MSRA: variants seen among roughly 807,000 people sequenced by gnomAD.
MSRA encodes the protein methionine sulfoxide reductase A, also known as mitochondrial peptide methionine sulfoxide reductase.
In MSRA, 54 loss-of-function variants were observed where a neutral mutation model predicts 31.3. The observed-to-expected ratio is 1.73, with a 90% confidence interval of 1.39 to 2.17. The LOEUF (loss-of-function observed/expected upper bound fraction) is 2.17, where lower values mean the gene tolerates loss of function less well. Ranked by LOEUF, MSRA falls within the 30% of genes most tolerant of loss-of-function variation. MSRA has a pLI of 0.00. For missense variants in MSRA, 507 were observed against 300.9 expected, an observed-to-expected ratio of 1.69 and a Z score of -5.07; for synonymous variants, 169 against 116.5, an observed-to-expected ratio of 1.45 and a Z score of -2.90.
At position 10,306,499 on chromosome 8, in the gene MSRA, G is replaced by A. The variant is rs145911323; in HGVS notation, c.436+4861G>A. ...CTAAAGTGTGGGTTTTCTACCCACC[G>A]AGATTCTTGTGTCTCTTGCATTGGT... On this transcript the variant is annotated intron_variant, in intron 4 of 5. Coordinates refer to ENST00000317173, the MANE Select transcript of MSRA (RefSeq NM_012331.5). Among the ~76,000 whole-genome samples, 195 of 152,092 alleles carry A rather than the reference G, an allele frequency of 1.3e-3. 1 individual carries two copies. Among genetic ancestry groups the A allele is most frequent in the Admixed American group, 4.1e-3 (62 of 15,284 alleles).
At chr8:10,271,684 C>G (rs1487442180) in intron 3 of MSRA, among the ~76,000 whole-genome samples, 14 of 151,466 alleles carry the variant, frequency 9.2e-5, no homozygotes, top group Admixed American at 9.2e-4. Flanking sequence ...CTGTAGAATT[C>G]CATTAAATGA....
intron 3 of MSRA, among the ~76,000 whole-genome samples, chr8:10,267,434 C>T (rs1218154439): frequency 6.6e-6 from 1 of 151,770 alleles, no homozygotes; most frequent in Non-Finnish European, 1.5e-5. Context: ...TTTTTTTCTT[C>T]CCCCAGTTCT....
At chr8:10,285,114 T>C (rs1422019445) in intron 3 of MSRA, among the ~76,000 whole-genome samples, 1 of 151,950 alleles carries the variant, frequency 6.6e-6, no homozygotes, top group Non-Finnish European at 1.5e-5. Context: ...ATGGAGCCCA[T>C]TCCCTTCGTC....
At chr8:10,410,528 T>C (rs1808092150) in intron 5 of MSRA, among the ~76,000 whole-genome samples, 1 of 152,218 alleles carries the variant, frequency 6.6e-6, no homozygotes, top group Non-Finnish European at 1.5e-5. Context: ...AAATACATGA[T>C]TTCACCTCTT....
At chr8:10,105,570 A>C (rs1799825876) in intron 1 of MSRA, among the ~76,000 whole-genome samples, 1 of 152,208 alleles carries the variant, frequency 6.6e-6, no homozygotes, top group African/African-American at 2.4e-5. Context: ...TTCCCATTGC[A>C]TCTGCAATGT....
At chr8:10,397,110 A>G (rs1230435103) in intron 5 of MSRA, among the ~76,000 whole-genome samples, 1 of 152,216 alleles carries the variant, frequency 6.6e-6, no homozygotes, top group East Asian at 1.9e-4. Flanking sequence ...GCAACTATAT[A>G]GGACTCTATG....
At chr8:10,338,163 G>C (rs1156524601) in intron 5 of MSRA, among the ~76,000 whole-genome samples, 1 of 152,242 alleles carries the variant, frequency 6.6e-6, no homozygotes. Flanking sequence ...ACCTAGGAAA[G>C]TGAGCCCCGA....
At chr8:10,335,250 G>GTTT (rs1170264568) in intron 5 of MSRA, among the ~76,000 whole-genome samples, 11,136 of 79,478 alleles carry the variant, frequency 0.14, 750 homozygotes, top group Non-Finnish European at 0.18. Flanking sequence ...TCCCAGCTCT[G>GTTT]TTTTTTTTTT....
intron 4 of MSRA, among the ~76,000 whole-genome samples, chr8:10,311,929 C>G (rs955040709): frequency 2.6e-5 from 4 of 152,150 alleles, no homozygotes; most frequent in Admixed American, 6.5e-5. Flanking sequence ...AAAAACAAAT[C>G]TGAATATCCT....
chr8:10,385,871 C>A lies in MSRA; in HGVS notation c.544-42277C>A, dbSNP rs7824653. ...GAATAGCGCCAGTGTGGAGAGAGCC[C>A]AGGAAGAGGAAACTGCCTGGGTGAC... is the stretch of plus-strand genomic sequence containing the variant. On this transcript the variant is annotated intron_variant, in intron 5 of 5. Coordinates refer to ENST00000317173, the MANE Select transcript of MSRA (RefSeq NM_012331.5). Among the ~76,000 whole-genome samples, 14 of 151,536 alleles carry A rather than the reference C, an allele frequency of 9.2e-5. No homozygotes were observed. In the East Asian group the frequency reaches 2.1e-3, roughly 23 times the overall value.
At chr8:10,305,690 G>A (rs1034955821) in intron 4 of MSRA, among the ~76,000 whole-genome samples, 15 of 152,184 alleles carry the variant, frequency 9.9e-5, no homozygotes, top group Admixed American at 9.2e-4. Context: ...GGGATTACAG[G>A]CCACAAGGCA....
intron 2 of MSRA, among the ~76,000 whole-genome samples, chr8:10,211,698 C>G (rs557647705): frequency 4.6e-5 from 7 of 152,000 alleles, no homozygotes; most frequent in African/African-American, 1.7e-4. Flanking sequence ...GAAACATGGC[C>G]GAGGCTTCCT....
intron 3 of MSRA, among the ~76,000 whole-genome samples, chr8:10,283,861 A>ACACACACACACC (rs2129109347): frequency 6.9e-6 from 1 of 144,378 alleles, no homozygotes; most frequent in East Asian, 2.1e-4. Context: ...ACACACACAC[A>ACACACACACACC]CACACACATA....
chr8:10,129,560 A>G (rs923763019), intron 1 of MSRA, among the ~76,000 whole-genome samples: 9 of 152,050 alleles, frequency 5.9e-5, no homozygotes, highest in Non-Finnish European at 1.3e-4. Context: ...GAGGAAGAGA[A>G]GGGGAAGACC....
chr8:10,189,327 G>A (rs952837065), intron 1 of MSRA, among the ~76,000 whole-genome samples: 6 of 151,916 alleles, frequency 3.9e-5, no homozygotes, highest in Non-Finnish European at 7.4e-5. Context: ...ATTTTTGTAC[G>A]ATTTTTATTT....
At chr8:10,178,408 A>T (rs1037170161) in intron 1 of MSRA, among the ~76,000 whole-genome samples, 16 of 152,172 alleles carry the variant, frequency 1.1e-4, no homozygotes, top group African/African-American at 3.6e-4. Context: ...TGGGCAAGAC[A>T]GCGAGACCCT....
chr8:10,424,929 G>T (rs1395744360), intron 5 of MSRA, among the ~76,000 whole-genome samples: 1 of 152,216 alleles, frequency 6.6e-6, no homozygotes, highest in Non-Finnish European at 1.5e-5. Context: ...GGAGCAGGGG[G>T]GCTGCGAAGC....
intron 1 of MSRA, among the ~76,000 whole-genome samples, chr8:10,166,665 C>G (rs540469905): frequency 6.6e-6 from 1 of 152,298 alleles, no homozygotes; most frequent in South Asian, 2.1e-4. Context: ...ATTTTTCCCT[C>G]CAGCCTCTTG....
rs536830523 is a variant in MSRA at position 10,078,807 on chromosome 8, C to T, written c.142+24149C>T. Among the ~76,000 whole-genome samples, 5 of 152,358 alleles carry T rather than the reference C, an allele frequency of 3.3e-5. No homozygotes were observed. In the South Asian group the frequency reaches 1.0e-3, roughly 32 times the overall value. On this transcript the variant is annotated intron_variant, in intron 1 of 5. Coordinates refer to ENST00000317173, the MANE Select transcript of MSRA (RefSeq NM_012331.5). ...TCTATCTCCCTGTTTCTCTTTGCCT[C>T]TCTTTCCTTAAGGCAGTCCAAGTTG...
Sources: gnomAD v4.1 joint callset for allele counts (sites outside exome capture counted in the v4.1 genomes callset) on GRCh38, gnomAD v4.1.1 for gene constraint, MANE v1.5 for transcripts, NCBI Gene and HGNC (gene_info 2026-07-23, HGNC 2026-07-21) for gene names.